Variants in PCDHGB3 observed in about 807,000 individuals in gnomAD.
The protein encoded by PCDHGB3 is protocadherin gamma-B3.
Under a neutral mutation model 59.2 loss-of-function variants are expected in PCDHGB3, and 40 were observed. The ratio of observed to expected loss-of-function variants is 0.68; its 90% CI spans 0.52 to 0.88. PCDHGB3 has a LOEUF of 0.88. Among genes scored for constraint, PCDHGB3 ranks in the 40% least tolerant of loss-of-function variants. PCDHGB3 has a pLI of 0.00. For missense variants in PCDHGB3, 1,309 were observed against 1,187.9 expected, an observed-to-expected ratio of 1.10 and a Z score of -1.50; for synonymous variants, 581 against 503.6, an observed-to-expected ratio of 1.15 and a Z score of -2.06.
At position 141,372,656 on chromosome 5, in the gene PCDHGB3, G is replaced by A; in HGVS notation, c.2262G>A (p.Pro754=). 6.2e-7 allele frequency: 1 copy of A among 1,613,956 alleles called. No individual in the cohort carries two copies. The highest frequency in any genetic ancestry group is 8.5e-7 in the Non-Finnish European group (1 of 1,179,852). Reference sequence around the variant, plus strand: ...GGACTTTGCCTTATTCCTACAATCCGTGTGCTGCCTCACATTCCTCAAACA... The same window carrying A: ...GGACTTTGCCTTATTCCTACAATCCATGTGCTGCCTCACATTCCTCAAACA... ...SERTLPYSYN[P]CAASHSSNTE... is the part of the protein sequence containing the mutation. Residue 754 remains proline (P), a synonymous_variant, in exon 1 of 4, where the codon CCG becomes CCA. Transcript: ENST00000576222.
intron 1 of PCDHGB3, chr5:141,395,335 T>C (rs2093216572): frequency 6.9e-7 from 1 of 1,441,668 alleles, no homozygotes; most frequent in Non-Finnish European, 9.2e-7. Flanking sequence ...GAAAATAATT[T>C]TTAAGGTGTA....
At chr5:141,384,259 C>A in intron 1 of PCDHGB3, 1 of 1,613,886 alleles carries the variant, frequency 6.2e-7, no homozygotes, top group Non-Finnish European at 8.5e-7. Flanking sequence ...CACCTTCCCC[C>A]ACTCATCCTA....
chr5:141,491,783 A>C lies in PCDHGB3; in HGVS notation c.2416-3024A>C. 1 of 1,539,736 alleles carries C rather than the reference A, an allele frequency of 6.5e-7. No individual in the cohort carries two copies. The highest frequency in any genetic ancestry group is 1.2e-5 in the South Asian group (1 of 82,444). On this transcript the variant is annotated intron_variant, in intron 1 of 3. Coordinates refer to ENST00000576222, the MANE Select transcript of PCDHGB3 (RefSeq NM_018924.5). The surrounding 1 kb of genome is among the most constrained non-coding windows in gnomAD (Gnocchi z 6.9). ...CGTCCTCATAAGGGATTGAACTTGC[A>C]TCCACTCCTCTCCGGCCGGCTTGGT...
In PCDHGB3 at chr5:141,489,412, G is replaced by C; in HGVS notation, c.2416-5395G>C. On this transcript the variant is annotated intron_variant, in intron 1 of 3. Coordinates refer to ENST00000576222, the MANE Select transcript of PCDHGB3 (RefSeq NM_018924.5). The surrounding 1 kb of genome is among the most constrained non-coding windows in gnomAD (Gnocchi z 4.5). ...TCAGGATCTGGGCTTAAAGATGACAGATCTGTTGAGCCGGCGGCTGCAATT... is the reference window on the plus strand; with the variant it reads ...TCAGGATCTGGGCTTAAAGATGACACATCTGTTGAGCCGGCGGCTGCAATT... The C allele has an allele frequency of 6.2e-7, 1 of 1,614,172 alleles. No individual in the cohort carries two copies. Among genetic ancestry groups the C allele is most frequent in the Non-Finnish European group, 8.5e-7 (1 of 1,180,040 alleles).
intron 1 of PCDHGB3, chr5:141,404,243 C>A: frequency 6.2e-7 from 1 of 1,613,810 alleles, no homozygotes; most frequent in Non-Finnish European, 8.5e-7. Flanking sequence ...AGGAACTCCG[C>A]CCCTGTCCAC....
intron 1 of PCDHGB3, chr5:141,426,510 T>C: frequency 2.9e-6 from 1 of 342,914 alleles, no homozygotes; most frequent in Non-Finnish European, 5.8e-6. Context: ...AACAATACTT[T>C]ACCGTGAACA....
chr5:141,382,941 C>T (rs750185010), intron 1 of PCDHGB3: 2 of 1,594,792 alleles, frequency 1.3e-6, no homozygotes, highest in Non-Finnish European at 1.7e-6. Context: ...GAGGATTCTT[C>T]CTGCTCTCCA....
At chr5:141,501,298 C>CAG (rs2099807427) in intron 2 of PCDHGB3, among the ~76,000 whole-genome samples, 1 of 148,330 alleles carries the variant, frequency 6.7e-6, no homozygotes, top group Non-Finnish European at 1.5e-5. Context: ...TATACACACA[C>CAG]ACACACACAC....
chr5:141,385,048 C>T (rs1015626472), intron 1 of PCDHGB3: 6 of 1,614,150 alleles, frequency 3.7e-6, no homozygotes, highest in Non-Finnish European at 3.4e-6. Flanking sequence ...GCTCAGGCTG[C>T]GGCGCTGGCA....
At chr5:141,388,657 G>A (rs769160604) in intron 1 of PCDHGB3, 2 of 1,613,760 alleles carry the variant, frequency 1.2e-6, no homozygotes, top group Admixed American at 1.7e-5. Context: ...GTGTACCCGG[G>A]GACCACGGTG....
intron 1 of PCDHGB3, chr5:141,427,741 C>T (rs748636652): frequency 8.1e-7 from 1 of 1,240,376 alleles, no homozygotes; most frequent in Non-Finnish European, 1.2e-6. Context: ...GGCCAAGTCT[C>T]CTACTCCATC....
chr5:141,490,336 G>T lies in PCDHGB3; in HGVS notation c.2416-4471G>T. 2 of 1,614,224 alleles carry T rather than the reference G, an allele frequency of 1.2e-6. No individual in the cohort carries two copies. The highest frequency in any genetic ancestry group is 8.5e-7 in the Non-Finnish European group (1 of 1,180,040). ...CCCTGTCCTAGAGAGCACACCAGTGGGCACAGTAGTGGGGTTGTTTAATGT... is the reference window on the plus strand; with the variant it reads ...CCCTGTCCTAGAGAGCACACCAGTGTGCACAGTAGTGGGGTTGTTTAATGT... On this transcript the variant is annotated intron_variant, in intron 1 of 3. Transcript: ENST00000576222. This position sits in a 1 kb window ranked among gnomAD's most constrained non-coding sequence, Gnocchi z 5.4.
chr5:141,444,695 CCT>C (rs2154560766), intron 1 of PCDHGB3, among the ~76,000 whole-genome samples: 1 of 152,134 alleles, frequency 6.6e-6, no homozygotes, highest in South Asian at 2.1e-4. Flanking sequence ...AAAATATTTT[CCT>C]CTTTCTGTTG....
intron 1 of PCDHGB3, chr5:141,394,278 T>C: frequency 6.2e-7 from 1 of 1,613,924 alleles, no homozygotes; most frequent in Non-Finnish European, 8.5e-7. Context: ...CCAGGTCACT[T>C]ACTCTGTGAC....
chr5:141,506,832 C>T (rs1398190563), intron 3 of PCDHGB3, among the ~76,000 whole-genome samples: 1 of 152,130 alleles, frequency 6.6e-6, no homozygotes, highest in African/African-American at 2.4e-5. Flanking sequence ...GAACTGATAG[C>T]CCTGCCCTCC....
intron 1 of PCDHGB3, chr5:141,427,653 G>A (rs1221862562): frequency 4.1e-6 from 3 of 725,570 alleles, no homozygotes; most frequent in Non-Finnish European, 4.9e-6. Flanking sequence ...CTCCTACGTG[G>A]TCCACGTGGC....
chr5:141,428,310 G>A (rs2097132610), intron 1 of PCDHGB3: 1 of 671,630 alleles, frequency 1.5e-6, no homozygotes, highest in Admixed American at 2.2e-5. Context: ...ACCTGGTCGT[G>A]GCCTTGGCCT....
chr5:141,404,513 G>C, intron 1 of PCDHGB3: 2 of 1,613,786 alleles, frequency 1.2e-6, no homozygotes, highest in Non-Finnish European at 8.5e-7. Context: ...GTGCTCCTTT[G>C]ACTATGAGCA....
In PCDHGB3 at chr5:141,506,418, G is replaced by A. The variant is rs2099853241; in HGVS notation, c.2563+937G>A. Among the ~76,000 whole-genome samples, 3 of 141,160 alleles carry A rather than the reference G, an allele frequency of 2.1e-5. No homozygotes were observed. The South Asian group carries it at 6.6e-4, about 31-fold the overall frequency. 92.6% of individuals were successfully genotyped at this position (141,160 alleles called of 152,430 possible). The stretch of plus-strand genomic sequence containing the variant: ...CAGAAAATCGCACCACTGCACTCCA[G>A]CCTGGGCAACAGTCTCGCTCTGTCT... On this transcript the variant is annotated intron_variant, in intron 3 of 3. Coordinates refer to ENST00000576222, the MANE Select transcript of PCDHGB3 (RefSeq NM_018924.5).
Sources: allele counts gnomAD v4.1 joint callset (sites outside exome capture counted in the v4.1 genomes callset), GRCh38; gene constraint gnomAD v4.1.1; non-coding constraint Gnocchi (gnomAD v3.1); transcripts MANE v1.5; gene names NCBI Gene and HGNC (gene_info 2026-07-23, HGNC 2026-07-21).